Variants in MRAP2 observed in about 807,000 individuals in gnomAD.
The protein encoded by MRAP2 is melanocortin-2 receptor accessory protein 2.
MRAP2 carries 20 observed loss-of-function variants against 17.4 expected under a neutral mutation model. The observed-to-expected ratio is 1.15, with a 90% CI of 0.81 to 1.67. The LOEUF is 1.67. MRAP2 is among the 40% of genes most tolerant of loss of function. MRAP2 has a pLI of 0.00. For synonymous variants in MRAP2, 96 were observed against 88.4 expected (o/e 1.09, Z -0.48); for missense variants, 238 against 240.0 (o/e 0.99, Z 0.05).
At chr6:84,100,671 G>A in the MRAP2 span, among the ~76,000 whole-genome samples, 1 of 152,104 alleles carries the variant, frequency 6.6e-6, no homozygotes, top group African/African-American at 2.4e-5. Flanking sequence ...ATGTGCTCTA[G>A]ATCCCTGGAG....
chr6:84,112,473 A>C, the MRAP2 span, among the ~76,000 whole-genome samples: 1 of 151,640 alleles, frequency 6.6e-6, no homozygotes, highest in East Asian at 1.9e-4. Flanking sequence ...TTTTTATTGC[A>C]TCTATTTGAT....
At chr6:84,102,029 G>C in the MRAP2 span, among the ~76,000 whole-genome samples, 1 of 151,876 alleles carries the variant, frequency 6.6e-6, no homozygotes, top group African/African-American at 2.4e-5. Context: ...TAAGACATTA[G>C]ATCTTGGATA....
intron 3 of MRAP2, among the ~76,000 whole-genome samples, chr6:84,068,707 C>T (rs903692853): frequency 6.8e-5 from 10 of 148,000 alleles, no homozygotes; most frequent in Admixed American, 2.0e-4. Flanking sequence ...TTTGATTCTC[C>T]GCTTGGTCGC....
chr6:84,130,964 A>G, the MRAP2 span, among the ~76,000 whole-genome samples: 2 of 151,966 alleles, frequency 1.3e-5, no homozygotes, highest in African/African-American at 4.8e-5. Context: ...TTGATTTTAG[A>G]TCTTTCCTGC....
chr6:84,129,533 G>GT, the MRAP2 span, among the ~76,000 whole-genome samples: 3 of 151,702 alleles, frequency 2.0e-5, no homozygotes, highest in Admixed American at 6.6e-5. Flanking sequence ...TGATGGGGAT[G>GT]TTTTTTTTCT....
At chr6:84,087,828 G>A (rs6934877) in intron 3 of MRAP2, among the ~76,000 whole-genome samples, 1,586 of 152,190 alleles carry the variant, frequency 0.01, 33 homozygotes, top group African/African-American at 0.036. Flanking sequence ...AGGATTTCTT[G>A]CTTGATGTCA....
chr6:84,133,143 C>T, the MRAP2 span, among the ~76,000 whole-genome samples: 4 of 152,158 alleles, frequency 2.6e-5, no homozygotes, highest in Admixed American at 6.5e-5. Flanking sequence ...CACTGTTTGC[C>T]TGGGTATCAC....
In MRAP2 at chr6:84,089,237, G is replaced by A. The variant is rs115655382; in HGVS notation, c.374G>A (p.Arg125His). The A allele has an allele frequency of 1.0e-3, 1,669 of 1,614,166 alleles. 8 individuals carry two copies. Among genetic ancestry groups the A allele is most frequent in the Middle Eastern group, 8.6e-3 (52 of 6,062 alleles). The change falls in exon 4 of 4, where the codon CGC becomes CAC. Residue 125 changes from arginine (R) to histidine (H), a missense_variant. Coordinates refer to ENST00000257776, the MANE Select transcript of MRAP2 (RefSeq NM_138409.4). ...LFHCYINEVERLDRAKACHQT... is the reference protein window; with the variant it reads ...LFHCYINEVEHLDRAKACHQT... ...CACTGCTACATCAATGAGGTGGAAC[G>A]CTTGGACAGAGCCAAAGCTTGTCAC...
upstream of MRAP2, chr6:84,033,682 TC>T (rs2099485115): frequency 2.0e-6 from 2 of 984,810 alleles, no homozygotes; most frequent in South Asian, 4.7e-5. Context: ...GGGAGGCGGC[TC>T]CCGCGCTGCA....
At chr6:84,087,702 AT>A (rs1448216050) in intron 3 of MRAP2, among the ~76,000 whole-genome samples, 3 of 152,258 alleles carry the variant, frequency 2.0e-5, no homozygotes, top group African/African-American at 7.2e-5. Context: ...AATACCTGAC[AT>A]AGTAGAATAT....
At chr6:84,100,534 T>C in the MRAP2 span, among the ~76,000 whole-genome samples, 1 of 152,210 alleles carries the variant, frequency 6.6e-6, no homozygotes, top group African/African-American at 2.4e-5. Context: ...CCTGAAGTGC[T>C]GAAATTACAG....
At chr6:84,083,052 C>T (rs540036108) in intron 3 of MRAP2, among the ~76,000 whole-genome samples, 13 of 152,168 alleles carry the variant, frequency 8.5e-5, no homozygotes, top group African/African-American at 2.6e-4. Flanking sequence ...GACCCGACCC[C>T]GGCCAATAGA....
the MRAP2 span, among the ~76,000 whole-genome samples, chr6:84,122,891 C>T: frequency 5.9e-5 from 9 of 152,066 alleles, no homozygotes; most frequent in African/African-American, 2.2e-4. Flanking sequence ...TTTCAGGATA[C>T]AAAATCAATA....
chr6:84,034,549 T>G lies in MRAP2; in HGVS notation c.-8+666T>G. On this transcript the variant is annotated intron_variant, in intron 1 of 3. Transcript: ENST00000257776. ...CCCCGTGCCTTTCCCATCCTTTCTG[T>G]GTAATTAATTGAGGAAGGCAAAGAG... Among the ~76,000 whole-genome samples, 2 of 145,072 alleles carry G rather than the reference T, an allele frequency of 1.4e-5. 1 individual carries two copies.
intron 1 of MRAP2, among the ~76,000 whole-genome samples, chr6:84,036,719 C>T (rs1213295282): frequency 6.6e-6 from 1 of 152,180 alleles, no homozygotes. Context: ...ATTCCTTTAT[C>T]TGACCCCACC....
At chr6:84,119,357 T>TTTG in the MRAP2 span, among the ~76,000 whole-genome samples, 1 of 152,216 alleles carries the variant, frequency 6.6e-6, no homozygotes, top group Non-Finnish European at 1.5e-5. Flanking sequence ...CACCTAAGTT[T>TTTG]TTGTTGTTGT....
the MRAP2 span, among the ~76,000 whole-genome samples, chr6:84,138,215 CCTT>C: frequency 6.6e-6 from 1 of 152,242 alleles, no homozygotes; most frequent in East Asian, 1.9e-4. Flanking sequence ...GGAGACTCCT[CCTT>C]TAAATAACTA....
the MRAP2 span, among the ~76,000 whole-genome samples, chr6:84,133,147 G>T: frequency 6.6e-6 from 1 of 152,154 alleles, no homozygotes; most frequent in East Asian, 1.9e-4. Flanking sequence ...GTTTGCCTGG[G>T]TATCACCAGC....
the MRAP2 span, among the ~76,000 whole-genome samples, chr6:84,134,896 T>C: frequency 1.3e-5 from 2 of 148,784 alleles, no homozygotes; most frequent in East Asian, 4.0e-4. Flanking sequence ...TAAAGATATA[T>C]ACTGTCATGA....
Sources: gnomAD v4.1 joint callset for allele counts (sites outside exome capture counted in the v4.1 genomes callset) on GRCh38, gnomAD v4.1.1 for gene constraint, MANE v1.5 for transcripts, NCBI Gene and HGNC (gene_info 2026-07-23, HGNC 2026-07-21) for gene names.